R3HCC1L: variants seen among roughly 807,000 people sequenced by gnomAD.
R3HCC1L encodes the protein coiled-coil domain-containing protein R3HCC1L.
R3HCC1L carries 51 observed loss-of-function variants against 59.9 expected under a neutral mutation model. The observed-to-expected ratio is 0.85, with a 90% CI of 0.68 to 1.07. The LOEUF is 1.07. Ranked by LOEUF, R3HCC1L falls within the 50% of genes least tolerant of loss-of-function variation. The pLI is 0.00. For missense variants in R3HCC1L, 965 were observed against 933.0 expected, an observed-to-expected ratio of 1.03 and a Z score of -0.45; for synonymous variants, 322 against 315.2, an observed-to-expected ratio of 1.02 and a Z score of -0.23.
chr10:98,211,094 G>A (rs553634065), intron 5 of R3HCC1L, among the ~76,000 whole-genome samples: 7 of 152,092 alleles, frequency 4.6e-5, no homozygotes, highest in South Asian at 2.1e-4. Flanking sequence ...AATATAGAGC[G>A]GAGAATACCT....
chr10:98,154,707 T>A (rs1464469333), intron 1 of R3HCC1L, among the ~76,000 whole-genome samples: 2 of 152,162 alleles, frequency 1.3e-5, no homozygotes, highest in Admixed American at 1.3e-4. Flanking sequence ...ATAATCCCAG[T>A]GTAGCTAGAT....
intron 5 of R3HCC1L, among the ~76,000 whole-genome samples, chr10:98,211,941 T>C (rs1853629589): frequency 6.6e-6 from 1 of 152,058 alleles, no homozygotes; most frequent in South Asian, 2.1e-4. Flanking sequence ...AAGAGGACAT[T>C]GGGATGACCT....
intron 4 of R3HCC1L, among the ~76,000 whole-genome samples, chr10:98,164,345 A>G (rs1157856545): frequency 1.3e-5 from 2 of 149,322 alleles, no homozygotes; most frequent in Non-Finnish European, 2.9e-5. Context: ...CAGAAAAAAG[A>G]GAGGAACAAG....
chr10:98,166,485 A>T (rs915650325), intron 4 of R3HCC1L, among the ~76,000 whole-genome samples: 1 of 152,116 alleles, frequency 6.6e-6, no homozygotes, highest in African/African-American at 2.4e-5. Flanking sequence ...CACTTGTAAT[A>T]TCTCCCCTCA....
In R3HCC1L at chr10:98,182,482, A is replaced by T. The variant is rs375809650; in HGVS notation, c.-15+19085A>T. Among the ~76,000 whole-genome samples, 5 of 152,288 alleles carry T rather than the reference A, an allele frequency of 3.3e-5. No individual in the cohort carries two copies. The South Asian group carries it at 1.0e-3, about 32-fold the overall frequency. On this transcript the variant is annotated intron_variant, in intron 4 of 9. Coordinates refer to ENST00000298999, the MANE Select transcript of R3HCC1L (RefSeq NM_001351015.2). ...CTGGGAGGTGTCTCCCAGTTAGGCTACATGGGGGGTCAGGGACCCACTTGA... is the reference window on the plus strand; with the variant it reads ...CTGGGAGGTGTCTCCCAGTTAGGCTTCATGGGGGGTCAGGGACCCACTTGA...
intron 4 of R3HCC1L, among the ~76,000 whole-genome samples, chr10:98,190,817 C>T (rs1253848854): frequency 1.6e-4 from 24 of 147,516 alleles, no homozygotes; most frequent in African/African-American, 2.3e-4. Flanking sequence ...CCCCACCCCC[C>T]GACAGGCCCC....
At chr10:98,161,158 G>A (rs1847372784) in intron 2 of R3HCC1L, among the ~76,000 whole-genome samples, 1 of 152,124 alleles carries the variant, frequency 6.6e-6, no homozygotes, top group Non-Finnish European at 1.5e-5. Context: ...GTATGAGAGG[G>A]TTAGTTTCCC....
chr10:98,194,553 G>A (rs1851218388), intron 4 of R3HCC1L, among the ~76,000 whole-genome samples: 1 of 152,142 alleles, frequency 6.6e-6, no homozygotes. Context: ...CTGAGGAATA[G>A]GAGAAGATAT....
At chr10:98,226,022 A>T (rs1275991410) in intron 5 of R3HCC1L, among the ~76,000 whole-genome samples, 1 of 151,792 alleles carries the variant, frequency 6.6e-6, no homozygotes, top group East Asian at 1.9e-4. Context: ...AATGTTTTGT[A>T]TTTTTTGTAG....
intron 1 of R3HCC1L, among the ~76,000 whole-genome samples, chr10:98,141,290 T>G (rs1165013530): frequency 6.6e-6 from 1 of 152,194 alleles, no homozygotes; most frequent in Admixed American, 6.5e-5. Flanking sequence ...ATCATAGGTA[T>G]TCAGGGTATA....
intron 9 of R3HCC1L, among the ~76,000 whole-genome samples, chr10:98,238,304 T>A (rs1590847478): frequency 6.6e-6 from 1 of 152,200 alleles, no homozygotes; most frequent in Non-Finnish European, 1.5e-5. Context: ...GTGTTCCCTG[T>A]TTAGGAGAAT....
intron 5 of R3HCC1L, among the ~76,000 whole-genome samples, chr10:98,228,052 G>C (rs2135565131): frequency 6.6e-6 from 1 of 152,326 alleles, no homozygotes; most frequent in Admixed American, 6.5e-5. Context: ...ATGTGTGCAT[G>C]TGTCTTTATA....
Position 98,163,316 on chromosome 10 carries a change from C to G in R3HCC1L, c.-96C>G. The G allele has an allele frequency of 2.0e-6, 2 of 983,356 alleles. No homozygotes were observed. Among genetic ancestry groups the G allele is most frequent in the South Asian group, 7.2e-5 (2 of 27,712 alleles). The allele number at this position is 983,356 out of a possible 1,614,324, so 60.9% of individuals were successfully genotyped here. ...AGGTGAGGCTGCTGTCAGAAAGGAA[C>G]TTTTACACAGTTTGCCTTCAGAGAC... On this transcript the variant is annotated 5_prime_UTR_variant, in exon 4 of 10. Transcript: ENST00000298999.
chr10:98,154,421 A>G (rs555991598), intron 1 of R3HCC1L, among the ~76,000 whole-genome samples: 4 of 152,172 alleles, frequency 2.6e-5, no homozygotes, highest in African/African-American at 7.2e-5. Context: ...TGAATAAACT[A>G]TGTGTTGGGT....
chr10:98,174,379 T>C (rs922393607), intron 4 of R3HCC1L: 17 of 441,096 alleles, frequency 3.9e-5, no homozygotes, highest in Middle Eastern at 1.2e-3. Context: ...TTAAAATTAG[T>C]ATAAGATCTA....
In R3HCC1L at chr10:98,201,729, A is replaced by T. The variant is rs898231807; in HGVS notation, c.-14-6372A>T. Among the ~76,000 whole-genome samples, 3 of 152,196 alleles carry T rather than the reference A, an allele frequency of 2.0e-5. No homozygotes were observed. In the East Asian group the frequency reaches 5.8e-4, roughly 29 times the overall value. ...ATGCTATGTCTGGTAAAGGAACTAT[A>T]TGACTTTGTCAGAGAGACAGCTTTC... On this transcript the variant is annotated intron_variant, in intron 4 of 9. Coordinates refer to ENST00000298999, the MANE Select transcript of R3HCC1L (RefSeq NM_001351015.2).
chr10:98,159,234 G>A (rs982652010), intron 2 of R3HCC1L, among the ~76,000 whole-genome samples: 2 of 150,364 alleles, frequency 1.3e-5, no homozygotes, highest in Admixed American at 1.3e-4. Flanking sequence ...GCAAAGTATT[G>A]TTATGCTTTT....
intron 4 of R3HCC1L, among the ~76,000 whole-genome samples, chr10:98,197,861 G>A (rs975994534): frequency 6.6e-6 from 1 of 152,126 alleles, no homozygotes; most frequent in African/African-American, 2.4e-5. Context: ...TCATAATGAA[G>A]TTATAGAAAA....
intron 4 of R3HCC1L, among the ~76,000 whole-genome samples, chr10:98,191,159 G>T (rs1440851840): frequency 6.6e-6 from 1 of 152,116 alleles, no homozygotes; most frequent in Non-Finnish European, 1.5e-5. Flanking sequence ...AATCCTTTGG[G>T]TATGTACCCA....
Sources: gnomAD v4.1 joint callset for allele counts (sites outside exome capture counted in the v4.1 genomes callset) on GRCh38, gnomAD v4.1.1 for gene constraint, MANE v1.5 for transcripts, NCBI Gene and HGNC (gene_info 2026-07-23, HGNC 2026-07-21) for gene names.